CARS2: variants seen among roughly 807,000 people sequenced by gnomAD.
CARS2 encodes cysteinyl-tRNA synthetase 2, mitochondrial.
Under a neutral mutation model 68.8 loss-of-function variants are expected in CARS2, and 52 were observed. That is an observed-to-expected ratio of 0.76 (90% CI 0.61 to 0.95). The LOEUF is 0.95. CARS2 is among the 40% of genes least tolerant of loss of function. The pLI is 0.00. For synonymous variants in CARS2, 314 were observed against 303.6 expected (o/e 1.03, Z -0.36); for missense variants, 780 against 754.2 (o/e 1.03, Z -0.40).
rs980624802 is a variant in CARS2 at position 110,671,111 on chromosome 13, G to T, written c.786-3638C>A. Among the ~76,000 whole-genome samples, 62 of 152,116 alleles carry T rather than the reference G, an allele frequency of 4.1e-4. 2 individuals are homozygous for T. The highest frequency in any genetic ancestry group is 4.1e-3 in the Admixed American group (62 of 15,262). On this transcript the variant is annotated intron_variant, in intron 7 of 14. Transcript: ENST00000257347. ...GATTGGTGTACCTGAAAGTGACAGG[G>T]AGAATGGAACCAAGTTGGAAAACAC...
chr13:110,701,268 T>C, intron 3 of CARS2, 170 bp downstream of exon 3: 1 of 530,536 alleles, frequency 1.9e-6, no homozygotes, highest in Non-Finnish European at 3.4e-6. Flanking sequence ...TTCACCATGT[T>C]TGTCAGGCTG....
upstream of CARS2, chr13:110,707,383 A>C (rs2063985206): frequency 6.6e-6 from 1 of 152,186 alleles, no homozygotes; most frequent in Admixed American, 6.5e-5. Flanking sequence ...GCAGTGGCTC[A>C]CACCTGTAAT....
chr13:110,702,499 C>T (rs904464163), intron 2 of CARS2, among the ~76,000 whole-genome samples: 2 of 152,246 alleles, frequency 1.3e-5, no homozygotes, highest in Non-Finnish European at 2.9e-5. Flanking sequence ...CATCACCATG[C>T]TCCTTCATTC....
At position 110,664,296 on chromosome 13, in the gene CARS2, C is replaced by T. The variant is rs1446703608; in HGVS notation, c.920-778G>A. 10 of 713,212 alleles carry T rather than the reference C, an allele frequency of 1.4e-5. 1 individual carries two copies. The highest frequency in any genetic ancestry group is 1.7e-5 in the Non-Finnish European group (10 of 581,432). The allele number at this position is 713,212 out of a possible 1,614,324, so 44.2% of individuals were successfully genotyped here. On this transcript the variant is annotated intron_variant, in intron 8 of 14. Coordinates refer to ENST00000257347, the MANE Select transcript of CARS2 (RefSeq NM_024537.4). ...CTAAGGTGGAAGGACCGCTTGAGCC[C>T]AGGAGTTTGGAGACCAGTCTGGGCA...
chr13:110,710,631 C>T (rs1171532154), upstream of CARS2, among the ~76,000 whole-genome samples: 1 of 152,168 alleles, frequency 6.6e-6, no homozygotes, highest in African/African-American at 2.4e-5. Flanking sequence ...TCTTCAATGA[C>T]ATTTAAAATT....
At chr13:110,660,756 C>T (rs2139737175) in intron 9 of CARS2, among the ~76,000 whole-genome samples, 1 of 130,518 alleles carries the variant, frequency 7.7e-6, no homozygotes, top group African/African-American at 2.9e-5. Context: ...GTACACTTAG[C>T]ATAATTCTTT....
chr13:110,649,542 G>A (rs2062144582), intron 10 of CARS2, among the ~76,000 whole-genome samples: 1 of 152,224 alleles, frequency 6.6e-6, no homozygotes, highest in African/African-American at 2.4e-5. Context: ...TGGCCAGATA[G>A]ATTCACCCCA....
At position 110,662,340 on chromosome 13, in the gene CARS2, G is replaced by A. The variant is rs1243828783; in HGVS notation, c.987+1111C>T. ...GGCTTCGGACCCCCTTCTGCGTCAT[G>A]CAACCCCATGGCCAGGCTCCGACCC... is the stretch of plus-strand genomic sequence containing the variant. On this transcript the variant is annotated intron_variant, in intron 9 of 14. Transcript: ENST00000257347. 4.8e-5 allele frequency among the ~76,000 whole-genome samples: 6 copies of A among 125,622 alleles called. No individual in the cohort carries two copies. The East Asian group carries it at 1.1e-3, about 23-fold the overall frequency. The allele number at this position is 125,622 out of a possible 152,430, so 82.4% of individuals were successfully genotyped here. A position where few individuals can be genotyped will look rare whatever the true frequency, so the allele number is the denominator to read the frequency against.
chr13:110,711,524 G>A (rs1303499792), intron 1 of CARS2, among the ~76,000 whole-genome samples: 1 of 152,200 alleles, frequency 6.6e-6, no homozygotes, highest in Non-Finnish European at 1.5e-5. Context: ...AAGTGTTATA[G>A]TCTTTTGTGC....
In CARS2 at chr13:110,701,553, G is replaced by A. The variant is rs1246629640; in HGVS notation, c.278C>T (p.Ser93Leu). ...YDHAHLGHACSYVRFDIIRRI... is the reference protein window; with the variant it reads ...YDHAHLGHACLYVRFDIIRRI... ...TCGAATGATATCAAATCTAACATAT[G>A]AGCTGAAAGAAAAAAAGTGTCAGGA... The change falls in exon 3 of 15, where the codon TCA (serine) becomes TTA (leucine). Residue 93 changes from serine to leucine, a missense_variant and splice_region_variant. Physicochemically the swap from Ser to Leu is moderately radical, Grantham distance 145. Transcript: ENST00000257347. The A allele has an allele frequency of 1.4e-6, 2 of 1,394,524 alleles. No homozygotes were observed. The highest frequency in any genetic ancestry group is 1.2e-5 in the South Asian group (1 of 86,106). 86.4% of individuals were successfully genotyped at this position (1,394,524 alleles called of 1,614,324 possible).
intron 5 of CARS2, among the ~76,000 whole-genome samples, chr13:110,685,992 G>GAAAAAAAAAA (rs10668818): frequency 7.0e-5 from 9 of 128,688 alleles, no homozygotes; most frequent in African/African-American, 8.9e-5. Flanking sequence ...CAGAAAAAAT[G>GAAAAAAAAAA]AAAAAAAAAA....
chr13:110,695,512 C>T (rs1302467861), intron 3 of CARS2, among the ~76,000 whole-genome samples: 6 of 151,998 alleles, frequency 3.9e-5, no homozygotes, highest in African/African-American at 1.5e-4. Context: ...CATATATATT[C>T]AGAAGATAGA....
intron 3 of CARS2, among the ~76,000 whole-genome samples, chr13:110,689,520 G>A (rs578178099): frequency 2.8e-4 from 43 of 152,306 alleles, no homozygotes; most frequent in African/African-American, 9.9e-4. Flanking sequence ...TGAACTATGC[G>A]TTGCTACCCA....
rs751659431 is a variant in CARS2 at position 110,667,454 on chromosome 13, G to A, written c.805C>T (p.Leu269=). The change falls in exon 8 of 15, where the codon CTG becomes TTG. Residue 269 remains leucine, a synonymous_variant. Transcript: ENST00000257347. The part of the protein sequence containing the change: ...AIASMVFGSQ[L]DIHSGGIDLA... The stretch of plus-strand genomic sequence containing the variant: ...TCTATCCCACCTGAATGGATATCCA[G>A]TTGACTTCCAAATACCATACTGCAA... 51 of 1,613,712 alleles carry A rather than the reference G, an allele frequency of 3.2e-5. No individual in the cohort carries two copies. The highest frequency in any genetic ancestry group is 4.2e-5 in the Non-Finnish European group (50 of 1,179,826).
chr13:110,706,104 A>T lies in CARS2; in HGVS notation c.-11T>A. The T allele has an allele frequency of 7.8e-7, 1 of 1,275,318 alleles. No individual in the cohort carries two copies. Among genetic ancestry groups the T allele is most frequent in the African/African-American group, 1.6e-5 (1 of 63,266 alleles). The allele number at this position is 1,275,318 out of a possible 1,614,324, so 79.0% of individuals were successfully genotyped here. ...CGTAGTCCTCAACATGTCAGCGGCCAGCGCCTACGACTGGGCGGAGACGGG... is the reference window on the plus strand; with the variant it reads ...CGTAGTCCTCAACATGTCAGCGGCCTGCGCCTACGACTGGGCGGAGACGGG... On this transcript the variant is annotated 5_prime_UTR_variant, in exon 1 of 15. Coordinates refer to ENST00000257347, the MANE Select transcript of CARS2 (RefSeq NM_024537.4).
chr13:110,679,471 A>T (rs2063072882), intron 6 of CARS2, among the ~76,000 whole-genome samples: 1 of 151,500 alleles, frequency 6.6e-6, no homozygotes, highest in South Asian at 2.1e-4. Flanking sequence ...CGGAGGTTAC[A>T]GTGAGCCGAG....
chr13:110,698,348 C>T (rs1408376824), intron 3 of CARS2, among the ~76,000 whole-genome samples: 4 of 151,548 alleles, frequency 2.6e-5, no homozygotes, highest in African/African-American at 7.3e-5. Context: ...GGTGAAACCC[C>T]GTCTCTACTA....
intron 3 of CARS2, among the ~76,000 whole-genome samples, chr13:110,696,350 T>A (rs2063623306): frequency 6.6e-6 from 1 of 152,238 alleles, no homozygotes; most frequent in Admixed American, 6.5e-5. Flanking sequence ...CGCAACACTG[T>A]CTTCCACAAT....
At chr13:110,673,511 C>T (rs11092356) in intron 7 of CARS2, among the ~76,000 whole-genome samples, 1 of 152,198 alleles carries the variant, frequency 6.6e-6, no homozygotes, top group South Asian at 2.1e-4. Flanking sequence ...CAAAATTCAA[C>T]AGCCCTTCAT....
Sources: allele counts gnomAD v4.1 joint callset (sites outside exome capture counted in the v4.1 genomes callset), GRCh38; gene constraint gnomAD v4.1.1; transcripts MANE v1.5; gene names NCBI Gene and HGNC (gene_info 2026-07-23, HGNC 2026-07-21).